OPN5: variants seen among roughly 807,000 people sequenced by gnomAD.
OPN5 encodes the protein opsin-5.
A neutral mutation model predicts 41.7 loss-of-function variants in OPN5; 18 were observed. That is an observed-to-expected ratio of 0.43 (90% confidence interval 0.30 to 0.64). OPN5 has a LOEUF of 0.64. OPN5 is among the 30% of genes least tolerant of loss of function. OPN5 has a pLI of 0.13. For synonymous variants in OPN5, 178 were observed against 164.3 expected, an observed-to-expected ratio of 1.08 and a Z score of -0.64; for missense variants, 318 against 434.5, an observed-to-expected ratio of 0.73 and a Z score of 2.38.
chr6:47,800,915 T>C (rs776195007), intron 4 of OPN5, among the ~76,000 whole-genome samples: 17 of 152,246 alleles, frequency 1.1e-4, no homozygotes, highest in Non-Finnish European at 1.6e-4. Context: ...TGGTACTTCA[T>C]AGTAATTCAT....
chr6:47,799,698 G>A (rs1313557034), intron 4 of OPN5, among the ~76,000 whole-genome samples: 2 of 152,126 alleles, frequency 1.3e-5, no homozygotes, highest in Non-Finnish European at 2.9e-5. Context: ...ATCCCTGAGA[G>A]TTCTGTTGTT....
intron 4 of OPN5, among the ~76,000 whole-genome samples, chr6:47,803,199 G>A (rs947118104): frequency 3.9e-5 from 6 of 152,152 alleles, no homozygotes; most frequent in African/African-American, 1.4e-4. Flanking sequence ...TGAAAGCTAA[G>A]TAAGTGTCAC....
chr6:47,799,045 C>A (rs987649136), intron 4 of OPN5, among the ~76,000 whole-genome samples: 3 of 152,032 alleles, frequency 2.0e-5, no homozygotes, highest in African/African-American at 7.2e-5. Context: ...CAGTATTCTG[C>A]CGGTCTGATC....
chr6:47,813,416 T>C (rs1386497703), intron 6 of OPN5, among the ~76,000 whole-genome samples: 1 of 152,134 alleles, frequency 6.6e-6, no homozygotes, highest in Non-Finnish European at 1.5e-5. Flanking sequence ...ATGCCGGTGA[T>C]AGAGAAGCAC....
chr6:47,790,827 C>T (rs2113955190), intron 2 of OPN5, among the ~76,000 whole-genome samples: 1 of 152,254 alleles, frequency 6.6e-6, no homozygotes, highest in Non-Finnish European at 1.5e-5. Flanking sequence ...TGATATATAA[C>T]CTCTCTCTTT....
At chr6:47,801,280 T>G (rs1249840466) in intron 4 of OPN5, among the ~76,000 whole-genome samples, 1 of 152,254 alleles carries the variant, frequency 6.6e-6, no homozygotes, top group African/African-American at 2.4e-5. Context: ...TAAGTTAATC[T>G]AATTACCTTG....
chr6:47,814,096 T>G (rs1762353820), intron 6 of OPN5, among the ~76,000 whole-genome samples: 1 of 152,044 alleles, frequency 6.6e-6, no homozygotes, highest in South Asian at 2.1e-4. Flanking sequence ...GTGAAGCAGG[T>G]AGAACAAAAA....
chr6:47,795,885 G>A (rs924263833), intron 4 of OPN5, among the ~76,000 whole-genome samples: 45 of 151,582 alleles, frequency 3.0e-4, no homozygotes, highest in Admixed American at 3.0e-3. Flanking sequence ...GGGTACTATT[G>A]ATTCATATTC....
At chr6:47,799,830 C>T (rs1478056056) in intron 4 of OPN5, among the ~76,000 whole-genome samples, 2 of 151,996 alleles carry the variant, frequency 1.3e-5, no homozygotes, top group South Asian at 2.1e-4. Context: ...AGGTCCTGTA[C>T]CTATTTGGGA....
At chr6:47,800,892 A>G (rs1251675272) in intron 4 of OPN5, among the ~76,000 whole-genome samples, 2 of 152,236 alleles carry the variant, frequency 1.3e-5, no homozygotes, top group Non-Finnish European at 2.9e-5. Flanking sequence ...AAATATTATT[A>G]TGCTATACAT....
chr6:47,807,080 C>A (rs1262809766), intron 4 of OPN5, among the ~76,000 whole-genome samples: 1 of 152,166 alleles, frequency 6.6e-6, no homozygotes, highest in Admixed American at 6.5e-5. Flanking sequence ...TCGCTTGAAC[C>A]TGGCAGGCAG....
chr6:47,820,786 G>A (rs1762599688), intron 6 of OPN5, among the ~76,000 whole-genome samples: 1 of 152,136 alleles, frequency 6.6e-6, no homozygotes, highest in Non-Finnish European at 1.5e-5. Context: ...GTCGACCCTT[G>A]AACAATGTCG....
Position 47,812,847 on chromosome 6 carries a change from G to C in OPN5, c.1056+1116G>C, listed in dbSNP as rs918685041. Reference sequence around the variant, plus strand: ...GCAAGAACAGCGAATAGGGGAAGAGGGTGGCCCCTCTCACACCATTGATAA... The same window carrying C: ...GCAAGAACAGCGAATAGGGGAAGAGCGTGGCCCCTCTCACACCATTGATAA... On this transcript the variant is annotated intron_variant, in intron 6 of 6. Transcript: ENST00000371211. Among the ~76,000 whole-genome samples the C allele has an allele frequency of 2.0e-5, 3 of 152,060 alleles. No individual in the cohort carries two copies. The East Asian group carries it at 5.8e-4, about 29-fold the overall frequency.
chr6:47,819,399 T>TATATAA lies in OPN5; in HGVS notation c.1057-4583_1057-4582insTATAAA, dbSNP rs1484297411. On this transcript the variant is annotated intron_variant, in intron 6 of 6. Coordinates refer to ENST00000371211, the Ensembl canonical transcript of OPN5. ...GTAGAAATATATATATATATATATA[T>TATATAA]AAAACAGTATAAGTAAAAATGTGAT... Among the ~76,000 whole-genome samples the TATATAA allele has an allele frequency of 4.0e-4, 52 of 128,636 alleles. 1 individual carries two copies. Among genetic ancestry groups the TATATAA allele is most frequent in the African/African-American group, 1.5e-3 (52 of 35,850 alleles). 84.4% of individuals were successfully genotyped at this position (128,636 alleles called of 152,430 possible). A position where few individuals can be genotyped will look rare whatever the true frequency, so the allele number is the denominator to read the frequency against.
At chr6:47,807,327 C>A (rs144688847) in intron 4 of OPN5, among the ~76,000 whole-genome samples, 1 of 152,276 alleles carries the variant, frequency 6.6e-6, no homozygotes, top group African/African-American at 2.4e-5. Context: ...GGGTCTTACA[C>A]AAAGCACTTG....
At chr6:47,803,793 C>G (rs574066435) in intron 4 of OPN5, among the ~76,000 whole-genome samples, 3 of 152,240 alleles carry the variant, frequency 2.0e-5, no homozygotes, top group South Asian at 4.2e-4. Flanking sequence ...AATAGTTGTT[C>G]CTAGAAAATC....
chr6:47,805,150 A>C (rs1773912802), intron 4 of OPN5, among the ~76,000 whole-genome samples: 1 of 152,210 alleles, frequency 6.6e-6, no homozygotes, highest in Non-Finnish European at 1.5e-5. Flanking sequence ...GCCTTGAGGC[A>C]TCCATTCCAT....
chr6:47,807,048 T>C (rs905059777), intron 4 of OPN5, among the ~76,000 whole-genome samples: 1 of 152,118 alleles, frequency 6.6e-6, no homozygotes, highest in African/African-American at 2.4e-5. Context: ...TCCCAGCTAC[T>C]TGGGAGGCTG....
intron 6 of OPN5, among the ~76,000 whole-genome samples, chr6:47,822,833 C>T (rs569836615): frequency 3.3e-5 from 5 of 152,284 alleles, no homozygotes; most frequent in African/African-American, 7.2e-5. Flanking sequence ...TTTTTATCCT[C>T]CCACACTTCT....
Sources: gnomAD v4.1 joint callset for allele counts (sites outside exome capture counted in the v4.1 genomes callset) on GRCh38, gnomAD v4.1.1 for gene constraint, MANE v1.5 for transcripts, NCBI Gene and HGNC (gene_info 2026-07-23, HGNC 2026-07-21) for gene names.